CTNNBL1: variants seen among roughly 807,000 people sequenced by gnomAD.
The protein encoded by CTNNBL1 is beta-catenin-like protein 1.
A neutral mutation model predicts 72.7 loss-of-function variants in CTNNBL1; 31 were observed. The observed-to-expected ratio is 0.43, with a 90% confidence interval of 0.32 to 0.58. The LOEUF (loss-of-function observed/expected upper bound fraction) is 0.58, where lower values mean the gene tolerates loss of function less well. CTNNBL1 is among the 20% of genes least tolerant of loss of function. The probability of loss-of-function intolerance (pLI) is 0.08; values close to 1 mark genes in which losing one functional copy is unlikely to be tolerated. For missense variants in CTNNBL1, 534 were observed against 725.1 expected (o/e 0.74, Z 3.03); for synonymous variants, 240 against 267.3 (o/e 0.90, Z 1.00).
intron 15 of CTNNBL1, among the ~76,000 whole-genome samples, chr20:37,867,161 A>G (rs1198091870): frequency 6.6e-6 from 1 of 152,194 alleles, no homozygotes; most frequent in East Asian, 1.9e-4. Flanking sequence ...TGTTGTTGTC[A>G]AGGAATCTCT....
intron 4 of CTNNBL1, among the ~76,000 whole-genome samples, chr20:37,748,605 T>TA (rs1352926782): frequency 6.6e-6 from 1 of 152,232 alleles, no homozygotes; most frequent in African/African-American, 2.4e-5. Context: ...TATAACAAAA[T>TA]ACCGTAAACT....
At chr20:37,737,518 C>A (rs1440230874) in intron 3 of CTNNBL1, 34 bp downstream of exon 3, 1 of 1,434,022 alleles carries the variant, frequency 7.0e-7, no homozygotes, top group South Asian at 1.2e-5. Context: ...CATGTCTCCT[C>A]TGTGGCGTTT....
chr20:37,722,829 A>G (rs2073052357), intron 1 of CTNNBL1, among the ~76,000 whole-genome samples: 1 of 152,202 alleles, frequency 6.6e-6, no homozygotes, highest in African/African-American at 2.4e-5. Context: ...CTTCTTTTAG[A>G]TCAGTGCTGT....
At chr20:37,707,723 C>CT (rs2122552785) in intron 1 of CTNNBL1, among the ~76,000 whole-genome samples, 1 of 152,362 alleles carries the variant, frequency 6.6e-6, no homozygotes, top group East Asian at 1.9e-4. Flanking sequence ...TGCATTCACG[C>CT]TTTTCTGTCT....
intron 10 of CTNNBL1, among the ~76,000 whole-genome samples, chr20:37,786,699 T>A (rs2073678279): frequency 6.6e-6 from 1 of 152,184 alleles, no homozygotes; most frequent in Non-Finnish European, 1.5e-5. Flanking sequence ...TTTATTCTGT[T>A]GCCCTTTTTC....
intron 10 of CTNNBL1, among the ~76,000 whole-genome samples, chr20:37,799,041 C>G (rs985326980): frequency 6.6e-6 from 1 of 152,142 alleles, no homozygotes; most frequent in Non-Finnish European, 1.5e-5. Flanking sequence ...GAATTTGGAG[C>G]CTTGTTTACC....
chr20:37,722,469 G>A (rs1005603087), intron 1 of CTNNBL1, among the ~76,000 whole-genome samples: 7 of 138,820 alleles, frequency 5.0e-5, no homozygotes, highest in African/African-American at 1.1e-4. Flanking sequence ...GTGAGGCTCC[G>A]TCTAAAATAA....
At chr20:37,748,151 T>G (rs1313132620) in intron 4 of CTNNBL1, among the ~76,000 whole-genome samples, 1 of 152,236 alleles carries the variant, frequency 6.6e-6, no homozygotes, top group East Asian at 1.9e-4. Flanking sequence ...GGGAATCTGC[T>G]GTTGCTTCAT....
intron 11 of CTNNBL1, among the ~76,000 whole-genome samples, chr20:37,812,062 G>A (rs376928664): frequency 2.6e-4 from 39 of 152,288 alleles, no homozygotes; most frequent in African/African-American, 8.7e-4. Flanking sequence ...TGCTTTTGTA[G>A]GCAGATAGGC....
chr20:37,831,970 G>A (rs1459746029), intron 11 of CTNNBL1, among the ~76,000 whole-genome samples: 1 of 152,192 alleles, frequency 6.6e-6, no homozygotes, highest in Non-Finnish European at 1.5e-5. Context: ...TTTATTAAAA[G>A]GTAGGACCAT....
intron 11 of CTNNBL1, among the ~76,000 whole-genome samples, chr20:37,833,807 TTG>T (rs1450243727): frequency 6.6e-6 from 1 of 152,208 alleles, no homozygotes; most frequent in Non-Finnish European, 1.5e-5. Context: ...CCCCGTCTCC[TTG>T]GTGCATGAAA....
At chr20:37,836,582 C>T (rs1440291170) in intron 11 of CTNNBL1, among the ~76,000 whole-genome samples, 4 of 152,192 alleles carry the variant, frequency 2.6e-5, no homozygotes, top group African/African-American at 7.2e-5. Flanking sequence ...ATGTTGCCCA[C>T]GTCCTGTTTG....
intron 11 of CTNNBL1, among the ~76,000 whole-genome samples, chr20:37,839,266 G>A (rs2072280435): frequency 6.6e-6 from 1 of 152,192 alleles, no homozygotes. Flanking sequence ...AAGGTAACTG[G>A]CATAGGAAGA....
intron 3 of CTNNBL1, among the ~76,000 whole-genome samples, chr20:37,743,284 G>A (rs2073234076): frequency 1.3e-5 from 2 of 151,894 alleles, no homozygotes; most frequent in South Asian, 4.2e-4. Context: ...AGCCTTAGAG[G>A]TTTGTTGAGG....
intron 15 of CTNNBL1, among the ~76,000 whole-genome samples, chr20:37,867,090 C>T (rs970819874): frequency 1.3e-5 from 2 of 152,166 alleles, no homozygotes; most frequent in Non-Finnish European, 2.9e-5. Context: ...AAATGAGAAC[C>T]TACTGCCTAG....
chr20:37,816,334 G>A (rs1057016437), intron 11 of CTNNBL1, among the ~76,000 whole-genome samples: 1 of 152,152 alleles, frequency 6.6e-6, no homozygotes, highest in African/African-American at 2.4e-5. Context: ...ATTTTCTGAC[G>A]CTGAACATCT....
intron 13 of CTNNBL1, among the ~76,000 whole-genome samples, chr20:37,856,294 G>C (rs1260489680): frequency 6.6e-6 from 1 of 151,910 alleles, no homozygotes; most frequent in Non-Finnish European, 1.5e-5. Flanking sequence ...TTCCTTTCAA[G>C]GAACGCACAC....
intron 1 of CTNNBL1, among the ~76,000 whole-genome samples, chr20:37,703,183 ACATCT>A (rs1481391106): frequency 6.6e-6 from 1 of 152,242 alleles, no homozygotes; most frequent in Non-Finnish European, 1.5e-5. Context: ...CCTAAAGCTA[ACATCT>A]CATATAACCA....
intron 11 of CTNNBL1, among the ~76,000 whole-genome samples, chr20:37,815,758 AT>A (rs1056097065): frequency 6.6e-6 from 1 of 152,142 alleles, no homozygotes; most frequent in Non-Finnish European, 1.5e-5. Context: ...TTCAAATGGT[AT>A]TTTTTTAAAA....
Sources: gnomAD v4.1 joint callset for allele counts (sites outside exome capture counted in the v4.1 genomes callset) on GRCh38, gnomAD v4.1.1 for gene constraint, MANE v1.5 for transcripts, NCBI Gene and HGNC (gene_info 2026-07-23, HGNC 2026-07-21) for gene names.